The following WDR73 variants were observed in gnomAD, a reference collection of about 807,000 sequenced individuals.
WDR73 encodes the protein integrator complex assembly factor WDR73.
A neutral mutation model predicts 38.2 loss-of-function variants in WDR73; 30 were observed. The observed-to-expected ratio is 0.79, with a 90% CI of 0.59 to 1.06. The LOEUF (loss-of-function observed/expected upper bound fraction) is 1.06. WDR73 is among the 50% of genes least tolerant of loss of function. WDR73 has a pLI of 0.00. For synonymous variants in WDR73, 197 were observed against 176.0 expected, an observed-to-expected ratio of 1.12 and a Z score of -0.94; for missense variants, 487 against 467.0, an observed-to-expected ratio of 1.04 and a Z score of -0.40.
At chr15:84,647,834 G>A in intron 5 of WDR73, 56 bp downstream of exon 5, 5 of 1,529,482 alleles carry the variant, frequency 3.3e-6, no homozygotes, top group Admixed American at 1.7e-5. Flanking sequence ...GGGGACAGGG[G>A]TGTATGAGTC....
At chr15:84,646,439 A>C (rs966282119) in intron 5 of WDR73, 91 bp from the exon 6 acceptor site, 6 of 1,502,874 alleles carry the variant, frequency 4.0e-6, no homozygotes, top group Non-Finnish European at 4.4e-6. Flanking sequence ...TACATTTAGA[A>C]GATCAAGGAA....
intron 1 of WDR73, 64 bp from the exon 2 acceptor site, chr15:84,653,763 T>C: frequency 7.5e-7 from 1 of 1,334,684 alleles, no homozygotes; most frequent in East Asian, 2.5e-5. Context: ...AACTCCAAGA[T>C]GGCAGCCGCA....
rs540074958 is a variant in WDR73, at chr15:84,643,510, A to T, written c.1097T>A (p.Leu366Gln). 2 of 1,578,666 alleles carry T rather than the reference A, an allele frequency of 1.3e-6. No homozygotes were observed. The highest frequency in any genetic ancestry group is 2.7e-5 in the African/African-American group (2 of 74,398). Residue 366 changes from leucine to glutamine, a missense_variant, in exon 8 of 8, where the codon CTG becomes CAG. By Grantham distance (113) the Leu-to-Gln change is moderately radical (BLOSUM62 -2). Transcript: ENST00000434634. ...TLLSATNDAS[L>Q]HVWDWVDLCA... ...AAGGTCCACCCAGTCCCACACATGC[A>T]GAGAGGCATCATTTGTTGCTGATAA...
At position 84,645,732 on chromosome 15, in the gene WDR73, T is replaced by C; in HGVS notation, c.622A>G (p.Lys208Glu). Residue 208 changes from lysine to glutamate, a missense_variant, in exon 7 of 8, where the codon AAG (lysine) becomes GAG (glutamate). Coordinates refer to ENST00000434634, the MANE Select transcript of WDR73 (RefSeq NM_032856.5). Reference protein sequence around the residue: ...GRLGLVDTRQKWAPLENRSPG... With the variant: ...GRLGLVDTRQEWAPLENRSPG... ...CTGCGATTCTCCAACGGTGCCCACTTCTGCCGGGTGTCAACAAGCCCCAGC... is the reference window on the plus strand; with the variant it reads ...CTGCGATTCTCCAACGGTGCCCACTCCTGCCGGGTGTCAACAAGCCCCAGC... 6.2e-7 allele frequency: 1 copy of C among 1,610,814 alleles called. No individual in the cohort carries two copies. The highest frequency in any genetic ancestry group is 8.5e-7 in the Non-Finnish European group (1 of 1,178,584).
rs867378752 is a variant in WDR73 at position 84,654,144 on chromosome 15, C to T, written c.41+90G>A. 287 of 1,566,450 alleles carry T rather than the reference C, an allele frequency of 1.8e-4. 5 individuals carry two copies. The South Asian group carries it at 2.8e-3, about 15-fold the overall frequency. Reference sequence around the variant, plus strand: ...AGGCCACAGCTGGCCCACTCTGCACCAGGATCCCCAACGTGCCTCCACCCA... The same window carrying T: ...AGGCCACAGCTGGCCCACTCTGCACTAGGATCCCCAACGTGCCTCCACCCA... On this transcript the variant is annotated intron_variant, in intron 1 of 7. Coordinates refer to ENST00000434634, the MANE Select transcript of WDR73 (RefSeq NM_032856.5).
At chr15:84,648,821 C>T (rs1896540609) in intron 3 of WDR73, among the ~76,000 whole-genome samples, 196 bp from the exon 4 acceptor site, 3 of 152,194 alleles carry the variant, frequency 2.0e-5, no homozygotes, top group Admixed American at 2.0e-4. Context: ...TTCCTTTGCA[C>T]ATCCAAAACC....
At chr15:84,652,567 T>C in intron 3 of WDR73, 147 bp downstream of exon 3, 1 of 507,442 alleles carries the variant, frequency 2.0e-6, no homozygotes, top group Non-Finnish European at 3.6e-6. Flanking sequence ...TGTGCATATG[T>C]GCCTCCCTCT....
rs1596048227 is a variant in WDR73, at chr15:84,643,723, C to T, written c.884G>A (p.Gly295Asp). The change falls in exon 8 of 8, where the codon GGT becomes GAT. Residue 295 changes from glycine (G) to aspartate (D), a missense_variant and splice_region_variant. By Grantham distance (94) the Gly-to-Asp change is moderately conservative. Transcript: ENST00000434634. ...PGLKNCLAIS[G>D]FDGTVQVYDA... ...ATAGACCTGGACTGTACCATCAAAA[C>T]CTGAGAATACAGAAAAGAGAGGCTT... The T allele has an allele frequency of 6.2e-7, 1 of 1,611,220 alleles. No homozygotes were observed. Among genetic ancestry groups the T allele is most frequent in the South Asian group, 1.1e-5 (1 of 90,568 alleles).
In WDR73 at chr15:84,653,650, C is replaced by G. The variant is rs1309681350; in HGVS notation, c.91G>C (p.Glu31Gln). ...ATACCACCTTTGTCATCAATCCATTCAAGGACTCGAGTGGCTCCTGACAGG... is the reference window on the plus strand; with the variant it reads ...ATACCACCTTTGTCATCAATCCATTGAAGGACTCGAGTGGCTCCTGACAGG... The part of the protein sequence containing the change: ...FDLSGATRVL[E>Q]WIDDKGVFVA... Residue 31 changes from glutamate (E) to glutamine (Q), a missense_variant, in exon 2 of 8, where the codon GAA becomes CAA. Physicochemically the swap from Glu to Gln is conservative, Grantham distance 29. Coordinates refer to ENST00000434634, the MANE Select transcript of WDR73 (RefSeq NM_032856.5). 18 of 1,593,932 alleles carry G rather than the reference C, an allele frequency of 1.1e-5. No homozygotes were observed. The highest frequency in any genetic ancestry group is 2.7e-5 in the African/African-American group (2 of 74,554).
intron 3 of WDR73, among the ~76,000 whole-genome samples, chr15:84,652,144 G>A (rs975861770): frequency 5.9e-5 from 9 of 152,210 alleles, no homozygotes; most frequent in African/African-American, 2.2e-4. Context: ...GGGATTACAG[G>A]CGTAAGCCAC....
rs1896230532 is a variant in WDR73 at position 84,640,651 on chromosome 15, A to T, written c.*2819T>A. The T allele has an allele frequency of 6.6e-6, 1 of 152,274 alleles. No homozygotes were observed. Among genetic ancestry groups the T allele is most frequent in the Admixed American group, 6.5e-5 (1 of 15,286 alleles). 9.4% of individuals were successfully genotyped at this position (152,274 alleles called of 1,614,324 possible). A position where few individuals can be genotyped will look rare whatever the true frequency, so the allele number is the denominator to read the frequency against. On this transcript the variant is annotated 3_prime_UTR_variant, in exon 8 of 8. Coordinates refer to ENST00000434634, the MANE Select transcript of WDR73 (RefSeq NM_032856.5). ...TTGGAGGCCGCAGTGAGCTGTGATC[A>T]TGCCACTGCATTCCAGCCTGGGCGA...
Position 84,640,926 on chromosome 15 carries a change from C to T in WDR73, c.*2544G>A, listed in dbSNP as rs898029682. Reference sequence around the variant, plus strand: ...TGACACAGTATTAGCACTTGGCAAACGTTAGTTTTCATTATCATCATCATT... The same window carrying T: ...TGACACAGTATTAGCACTTGGCAAATGTTAGTTTTCATTATCATCATCATT... On this transcript the variant is annotated 3_prime_UTR_variant, in exon 8 of 8. Transcript: ENST00000434634. 2.6e-5 allele frequency: 4 copies of T among 152,002 alleles called. No homozygotes were observed. The highest frequency in any genetic ancestry group is 4.8e-5 in the African/African-American group (2 of 41,350). The allele number at this position is 152,002 out of a possible 1,614,324, so 9.4% of individuals were successfully genotyped here. A position where few individuals can be genotyped will look rare whatever the true frequency, so the allele number is the denominator to read the frequency against.
Position 84,647,790 on chromosome 15 carries a change from C to T in WDR73, c.352+100G>A, listed in dbSNP as rs886521995. On this transcript the variant is annotated intron_variant, in intron 5 of 7. Coordinates refer to ENST00000434634, the MANE Select transcript of WDR73 (RefSeq NM_032856.5). ...ACAATTACAGGCATGAGACTGTCCCCAGCCTGAGTCTCCTTCTTAACTGGC... is the reference window on the plus strand; with the variant it reads ...ACAATTACAGGCATGAGACTGTCCCTAGCCTGAGTCTCCTTCTTAACTGGC... 10 of 1,194,416 alleles carry T rather than the reference C, an allele frequency of 8.4e-6. No homozygotes were observed. The Admixed American group carries it at 1.4e-4, about 17-fold the overall frequency. 74.0% of individuals were successfully genotyped at this position (1,194,416 alleles called of 1,614,324 possible).
chr15:84,644,221 C>T (rs900426217), intron 7 of WDR73: 2 of 157,250 alleles, frequency 1.3e-5, no homozygotes, highest in Admixed American at 6.2e-5. Flanking sequence ...CAGTCCCCTA[C>T]CTCTGGGTCC....
At chr15:84,650,319 C>T (rs1425411677) in intron 3 of WDR73, among the ~76,000 whole-genome samples, 1 of 152,042 alleles carries the variant, frequency 6.6e-6, no homozygotes, top group Admixed American at 6.6e-5. Flanking sequence ...CCCTGAGTAG[C>T]TGGGATTAAA....
rs577426137 is a variant in WDR73 at position 84,642,121 on chromosome 15, C to G, written c.*1349G>C. The G allele has an allele frequency of 4.6e-5, 7 of 152,238 alleles. No homozygotes were observed. The East Asian group carries it at 1.4e-3, about 30-fold the overall frequency. 9.4% of individuals were successfully genotyped at this position (152,238 alleles called of 1,614,324 possible). A position where few individuals can be genotyped will look rare whatever the true frequency, so the allele number is the denominator to read the frequency against. ...CTTCGGGAGGCCGAGGTGGGTAGAT[C>G]ACAAGGTCAAGAGATCAAGACCATT... On this transcript the variant is annotated 3_prime_UTR_variant, in exon 8 of 8. Transcript: ENST00000434634.
intron 4 of WDR73, 92 bp from the exon 5 acceptor site, chr15:84,648,046 C>CTGATATGGGATG: frequency 9.4e-7 from 1 of 1,060,170 alleles, no homozygotes; most frequent in Non-Finnish European, 1.5e-6. Flanking sequence ...TGGGACTCCA[C>CTGATATGGGATG]TTCCCATATC....
intron 3 of WDR73, among the ~76,000 whole-genome samples, chr15:84,649,509 G>T (rs1054964382): frequency 2.0e-5 from 3 of 150,448 alleles, no homozygotes; most frequent in African/African-American, 4.9e-5. Context: ...TCACTCTGTA[G>T]CCCAGGCTGG....
At chr15:84,646,648 G>A in intron 5 of WDR73, 1 of 270,598 alleles carries the variant, frequency 3.7e-6, no homozygotes, top group Non-Finnish European at 7.1e-6. Context: ...AGAACAGGTA[G>A]AAGACAAGAA....
Sources: allele counts gnomAD v4.1 joint callset (sites outside exome capture counted in the v4.1 genomes callset), GRCh38; gene constraint gnomAD v4.1.1; transcripts MANE v1.5; gene names NCBI Gene and HGNC (gene_info 2026-07-23, HGNC 2026-07-21).